The following TAMM41 variants were observed in gnomAD, a reference collection of about 807,000 sequenced individuals.
The protein encoded by TAMM41 is phosphatidate cytidylyltransferase, mitochondrial.
Under a neutral mutation model 44.1 loss-of-function variants are expected in TAMM41, and 36 were observed. The ratio of observed to expected loss-of-function variants is 0.82; its 90% CI spans 0.63 to 1.08. The LOEUF is 1.08. Among genes scored for constraint, TAMM41 ranks in the 50% least tolerant of loss-of-function variants. The pLI, the probability that TAMM41 is intolerant of heterozygous loss-of-function variation, is 0.00. For missense variants in TAMM41, 417 were observed against 404.3 expected (o/e 1.03, Z -0.27); for synonymous variants, 164 against 153.1 (o/e 1.07, Z -0.53).
intron 7 of TAMM41, chr3:11,807,028 C>T (rs1009125536): frequency 1.9e-5 from 5 of 269,960 alleles, no homozygotes; most frequent in African/African-American, 2.3e-5. Flanking sequence ...TTCAGACATA[C>T]GTGGTCTCCA....
At chr3:11,730,799 T>G in the TAMM41 span, among the ~76,000 whole-genome samples, 1 of 152,088 alleles carries the variant, frequency 6.6e-6, no homozygotes, top group East Asian at 1.9e-4. Flanking sequence ...ACAAAACCGC[T>G]TCCATTCTGA....
chr3:11,779,659 C>G, the TAMM41 span, among the ~76,000 whole-genome samples: 1 of 152,132 alleles, frequency 6.6e-6, no homozygotes, highest in Admixed American at 6.6e-5. Context: ...TCTCTGTGCT[C>G]CACAGACTTC....
intron 4 of TAMM41, among the ~76,000 whole-genome samples, chr3:11,820,472 G>C (rs1362690513): frequency 6.6e-6 from 1 of 152,096 alleles, no homozygotes; most frequent in Non-Finnish European, 1.5e-5. Flanking sequence ...AACACTCCAG[G>C]CTCTCGGAGA....
downstream of TAMM41, among the ~76,000 whole-genome samples, chr3:11,789,478 G>A (rs1166565063): frequency 6.6e-5 from 10 of 152,146 alleles, no homozygotes; most frequent in Admixed American, 5.2e-4. Flanking sequence ...GGGAGGAGGT[G>A]GTTGCTTCCC....
intron 3 of TAMM41, among the ~76,000 whole-genome samples, chr3:11,834,359 G>A (rs572649527): frequency 2.6e-5 from 4 of 152,160 alleles, no homozygotes; most frequent in African/African-American, 9.6e-5. Context: ...CAATATAAAT[G>A]TCTTAAAAAC....
chr3:11,833,454 C>CT (rs2079062593), intron 3 of TAMM41, among the ~76,000 whole-genome samples: 1 of 152,200 alleles, frequency 6.6e-6, no homozygotes, highest in Non-Finnish European at 1.5e-5. Flanking sequence ...TTCAAATACT[C>CT]AACCGCCCAC....
At chr3:11,766,867 C>T in the TAMM41 span, among the ~76,000 whole-genome samples, 1 of 152,078 alleles carries the variant, frequency 6.6e-6, no homozygotes, top group African/African-American at 2.4e-5. Context: ...CTGCATCCGA[C>T]CTAGAGTATG....
chr3:11,823,726 T>G (rs2078624194), intron 4 of TAMM41, among the ~76,000 whole-genome samples: 1 of 149,232 alleles, frequency 6.7e-6, no homozygotes, highest in African/African-American at 2.5e-5. Flanking sequence ...AGTGGCATGA[T>G]CTCAGCTCAC....
chr3:11,770,294 C>T, the TAMM41 span, among the ~76,000 whole-genome samples: 1,392 of 152,188 alleles, frequency 9.1e-3, 7 homozygotes, highest in Non-Finnish European at 0.015. Flanking sequence ...ACATAAGTGG[C>T]CCCATAAAAA....
chr3:11,846,396 GGA>G (rs2079692694), intron 1 of TAMM41, 104 bp downstream of exon 1: 11 of 1,296,958 alleles, frequency 8.5e-6, no homozygotes, highest in Non-Finnish European at 1.1e-5. Flanking sequence ...GTGGACACGT[GGA>G]GTGTGCAGAG....
At chr3:11,808,182 A>C in intron 6 of TAMM41, 1 of 1,023,984 alleles carries the variant, frequency 9.8e-7, no homozygotes. Flanking sequence ...GCTGACCCTC[A>C]AAGGGCATTT....
At chr3:11,785,657 CAG>C (rs547591303), downstream of TAMM41, among the ~76,000 whole-genome samples, 1 of 152,156 alleles carries the variant, frequency 6.6e-6, no homozygotes, top group South Asian at 2.1e-4. Context: ...CTCTCTCACC[CAG>C]GCTGGCGTGC....
At chr3:11,843,787 G>C (rs1013532689) in intron 2 of TAMM41, 10 of 484,288 alleles carry the variant, frequency 2.1e-5, no homozygotes, top group Admixed American at 7.2e-5. Context: ...ACAGTTAATG[G>C]GACATGAGGA....
intron 5 of TAMM41, among the ~76,000 whole-genome samples, chr3:11,813,918 A>ATGTATATATGTG (rs1022844971): frequency 2.7e-5 from 4 of 150,422 alleles, no homozygotes; most frequent in Non-Finnish European, 4.4e-5. Context: ...GTGTGTATAT[A>ATGTATATATGTG]TGTATATATG....
chr3:11,837,405 GA>G (rs58759379), intron 3 of TAMM41, among the ~76,000 whole-genome samples: 2,032 of 141,500 alleles, frequency 0.014, 46 homozygotes, highest in African/African-American at 0.048. Flanking sequence ...TGATTATCTG[GA>G]AAAAAAAAAA....
intron 2 of TAMM41, among the ~76,000 whole-genome samples, chr3:11,843,189 T>TA (rs2079527658): frequency 6.6e-6 from 1 of 152,164 alleles, no homozygotes; most frequent in African/African-American, 2.4e-5. Flanking sequence ...TCCTTCTAGA[T>TA]AAAATCAATC....
At chr3:11,845,210 G>A in intron 1 of TAMM41, 1 of 342,720 alleles carries the variant, frequency 2.9e-6, no homozygotes, top group Non-Finnish European at 5.7e-6. Flanking sequence ...GACTAAGGGG[G>A]TGGGGGAATT....
chr3:11,824,546 C>T (rs1377186948), intron 4 of TAMM41, among the ~76,000 whole-genome samples: 2 of 149,910 alleles, frequency 1.3e-5, no homozygotes, highest in African/African-American at 4.9e-5. Context: ...CATCCGCCTC[C>T]ACCTCCCAAA....
At chr3:11,763,406 T>C in the TAMM41 span, among the ~76,000 whole-genome samples, 1 of 152,160 alleles carries the variant, frequency 6.6e-6, no homozygotes, top group African/African-American at 2.4e-5. Context: ...CCTCCCAAAG[T>C]GCTGGGATTA....
Sources: gnomAD v4.1 joint callset for allele counts (sites outside exome capture counted in the v4.1 genomes callset) on GRCh38, gnomAD v4.1.1 for gene constraint, MANE v1.5 for transcripts, NCBI Gene and HGNC (gene_info 2026-07-23, HGNC 2026-07-21) for gene names.